The following FHIT variants were observed in gnomAD, a reference collection of about 807,000 sequenced individuals.
The protein encoded by FHIT is fragile histidine triad diadenosine triphosphatase.
A neutral mutation model predicts 17.9 loss-of-function variants in FHIT; 19 were observed. The ratio of observed to expected loss-of-function variants is 1.06; its 90% CI spans 0.74 to 1.56. The LOEUF (loss-of-function observed/expected upper bound fraction) is 1.56. FHIT is among the 40% of genes most tolerant of loss of function. The pLI is 0.00. For missense variants in FHIT, 248 were observed against 189.2 expected, an observed-to-expected ratio of 1.31 and a Z score of -1.82; for synonymous variants, 81 against 69.7, an observed-to-expected ratio of 1.16 and a Z score of -0.81.
intron 8 of FHIT, among the ~76,000 whole-genome samples, chr3:59,790,524 CTCTCTGTG>C (rs903108849): frequency 1.7e-4 from 21 of 124,636 alleles, no homozygotes; most frequent in African/African-American, 5.2e-4. Flanking sequence ...CTCTCTCTCT[CTCTCTGTG>C]TGTGTGTGTG....
At chr3:60,860,534 AG>A in intron 3 of FHIT, among the ~76,000 whole-genome samples, 1 of 29,326 alleles carries the variant, frequency 3.4e-5, no homozygotes, top group African/African-American at 7.5e-5. Context: ...CATATATATC[AG>A]GTATATATGA....
At chr3:61,214,362 G>C (rs1158994503) in intron 1 of FHIT, among the ~76,000 whole-genome samples, 1 of 152,196 alleles carries the variant, frequency 6.6e-6, no homozygotes, top group South Asian at 2.1e-4. Flanking sequence ...ACTACCATCA[G>C]AGAATACTAC....
chr3:59,775,845 G>C (rs533131495), intron 8 of FHIT, among the ~76,000 whole-genome samples: 4 of 152,202 alleles, frequency 2.6e-5, no homozygotes, highest in African/African-American at 9.7e-5. Context: ...ACAGAAAGGA[G>C]ATTAGGATAA....
At chr3:59,908,780 C>A (rs1704704711) in intron 8 of FHIT, among the ~76,000 whole-genome samples, 1 of 93,296 alleles carries the variant, frequency 1.1e-5, no homozygotes, top group South Asian at 3.5e-4. Context: ...TGGCCCAGGG[C>A]TGATGAGATG....
chr3:60,124,719 A>G (rs1705461978), intron 5 of FHIT, among the ~76,000 whole-genome samples: 1 of 152,186 alleles, frequency 6.6e-6, no homozygotes, highest in African/African-American at 2.4e-5. Flanking sequence ...TCCTTAGCTA[A>G]TGTTACTCTT....
At position 59,922,408 on chromosome 3, in the gene FHIT, G is replaced by C; in HGVS notation, c.286C>G (p.His96Asp). The stretch of plus-strand genomic sequence containing the variant: ...GCCTTCCTGGGAAGAACATGGACGT[G>C]AACGTGCTGAAAATGTACAAGAAAG... The part of the protein sequence containing the change: ...PEAGQTVKHV[H>D]VHVLPRKAGD... Residue 96 changes from histidine (H) to aspartate (D), a missense_variant, in exon 8 of 10, where the codon CAC becomes GAC. His to Asp is a moderately conservative substitution (Grantham distance 81, BLOSUM62 -1). Transcript: ENST00000492590. 2 of 1,613,214 alleles carry C rather than the reference G, an allele frequency of 1.2e-6. No individual in the cohort carries two copies. The highest frequency in any genetic ancestry group is 1.7e-6 in the Non-Finnish European group (2 of 1,179,546).
chr3:59,807,766 G>A (rs1173005349), intron 8 of FHIT, among the ~76,000 whole-genome samples: 3 of 152,068 alleles, frequency 2.0e-5, no homozygotes, highest in Non-Finnish European at 2.9e-5. Flanking sequence ...GTGGAGATAT[G>A]GGGTGGGGGT....
At chr3:59,921,545 C>G (rs576313702) in intron 8 of FHIT, among the ~76,000 whole-genome samples, 1 of 152,356 alleles carries the variant, frequency 6.6e-6, no homozygotes, top group African/African-American at 2.4e-5. Flanking sequence ...CACAAACAGC[C>G]TCAAAGTCCA....
chr3:60,592,875 G>T (rs782247386), intron 4 of FHIT, among the ~76,000 whole-genome samples: 2 of 152,078 alleles, frequency 1.3e-5, no homozygotes, highest in African/African-American at 2.4e-5. Flanking sequence ...CTCTCTTCTA[G>T]CCCCTCATCT....
At chr3:61,074,934 G>C (rs902489892) in intron 2 of FHIT, among the ~76,000 whole-genome samples, 1 of 152,122 alleles carries the variant, frequency 6.6e-6, no homozygotes, top group Non-Finnish European at 1.5e-5. Context: ...CAAGTTAAAC[G>C]TTCTGTGTAA....
At chr3:59,755,027 A>G (rs1701136349) in intron 8 of FHIT, among the ~76,000 whole-genome samples, 1 of 152,168 alleles carries the variant, frequency 6.6e-6, no homozygotes, top group Non-Finnish European at 1.5e-5. Flanking sequence ...TTCTCAGCCA[A>G]TTCTAAGGTG....
At position 60,175,340 on chromosome 3, in the gene FHIT, T is replaced by C. The variant is rs191631989; in HGVS notation, c.104-161188A>G. ...ACAGAGGAAAATGTGGAATGCTGAATAGGGTGAACCCCCTGCTATTAGCCT... is the reference window on the plus strand; with the variant it reads ...ACAGAGGAAAATGTGGAATGCTGAACAGGGTGAACCCCCTGCTATTAGCCT... On this transcript the variant is annotated intron_variant, in intron 5 of 9. Transcript: ENST00000492590. Among the ~76,000 whole-genome samples, 10 of 152,288 alleles carry C rather than the reference T, an allele frequency of 6.6e-5. No homozygotes were observed. The East Asian group carries it at 1.7e-3, about 26-fold the overall frequency.
At chr3:59,873,588 G>GCAGCTGCTGTCTTCTGTATTA (rs1452638380) in intron 8 of FHIT, among the ~76,000 whole-genome samples, 3 of 152,108 alleles carry the variant, frequency 2.0e-5, no homozygotes, top group Non-Finnish European at 4.4e-5. Context: ...ATTCTTTATT[G>GCAGCTGCTGTCTTCTGTATTA]CAGCTGCTGT....
intron 4 of FHIT, among the ~76,000 whole-genome samples, chr3:60,572,608 T>G (rs1553656103): frequency 6.6e-6 from 1 of 152,100 alleles, no homozygotes; most frequent in Non-Finnish European, 1.5e-5. Flanking sequence ...CCATCAGTAT[T>G]CTCAGTGCAA....
At chr3:60,073,344 G>C (rs1702864651) in intron 5 of FHIT, among the ~76,000 whole-genome samples, 1 of 152,002 alleles carries the variant, frequency 6.6e-6, no homozygotes, top group Non-Finnish European at 1.5e-5. Context: ...CACTCACCTT[G>C]CCTTATCATC....
chr3:60,318,370 G>A (rs938241469), intron 5 of FHIT, among the ~76,000 whole-genome samples: 1 of 152,142 alleles, frequency 6.6e-6, no homozygotes, highest in Non-Finnish European at 1.5e-5. Context: ...GAGTGAAATA[G>A]AAATCAACCA....
intron 8 of FHIT, among the ~76,000 whole-genome samples, chr3:59,866,603 G>T (rs1702662780): frequency 6.6e-6 from 1 of 152,190 alleles, no homozygotes; most frequent in Admixed American, 6.5e-5. Flanking sequence ...TTGCAGTGAA[G>T]ATGGTGCAAA....
At chr3:60,511,825 G>A (rs1432959725) in intron 5 of FHIT, among the ~76,000 whole-genome samples, 1 of 152,064 alleles carries the variant, frequency 6.6e-6, no homozygotes, top group Non-Finnish European at 1.5e-5. Context: ...GATAAATAGG[G>A]TTATCTCAAA....
chr3:60,338,693 A>G (rs1710364980), intron 5 of FHIT, among the ~76,000 whole-genome samples: 1 of 152,216 alleles, frequency 6.6e-6, no homozygotes, highest in Non-Finnish European at 1.5e-5. Context: ...TCTGCATGGT[A>G]TGACATATCT....
Sources: gnomAD v4.1 joint callset for allele counts (sites outside exome capture counted in the v4.1 genomes callset) on GRCh38, gnomAD v4.1.1 for gene constraint, MANE v1.5 for transcripts, NCBI Gene and HGNC (gene_info 2026-07-23, HGNC 2026-07-21) for gene names.